CTNNA3: variants seen among roughly 807,000 people sequenced by gnomAD.
The protein encoded by CTNNA3 is catenin alpha-3.
A neutral mutation model predicts 95.7 loss-of-function variants in CTNNA3; 76 were observed. That is an observed-to-expected ratio of 0.79 (90% CI 0.66 to 0.96). CTNNA3 has a LOEUF of 0.96. Among genes scored for constraint, CTNNA3 ranks in the 40% least tolerant of loss-of-function variants. The pLI, the probability that CTNNA3 is intolerant of heterozygous loss-of-function variation, is 0.00. For synonymous variants in CTNNA3, 431 were observed against 374.4 expected, an observed-to-expected ratio of 1.15 and a Z score of -1.74; for missense variants, 1,191 against 1,089.8, an observed-to-expected ratio of 1.09 and a Z score of -1.31.
chr10:66,601,944 A>G (rs1050399971), intron 10 of CTNNA3, among the ~76,000 whole-genome samples: 4 of 151,950 alleles, frequency 2.6e-5, no homozygotes, highest in Non-Finnish European at 5.9e-5. Flanking sequence ...TCTTGAAAAG[A>G]AATACAGAAA....
intron 7 of CTNNA3, among the ~76,000 whole-genome samples, chr10:67,077,318 A>G (rs1300781576): frequency 1.3e-5 from 2 of 152,278 alleles, no homozygotes; most frequent in East Asian, 3.9e-4. Flanking sequence ...ATTGGCTTCC[A>G]CTGGCTTTAT....
Position 65,966,749 on chromosome 10 carries a change from A to G in CTNNA3, c.2266-3T>C. On this transcript the variant is annotated splice_polypyrimidine_tract_variant and splice_region_variant and intron_variant, in intron 16 of 17. Coordinates refer to ENST00000433211, the MANE Select transcript of CTNNA3 (RefSeq NM_013266.4). The stretch of plus-strand genomic sequence containing the variant: ...TGTTTACAAGATGGATCTGGGCACT[A>G]AATATGAATCAAAGATAAAAATAGA... 6.2e-7 allele frequency: 1 copy of G among 1,602,932 alleles called. No individual in the cohort carries two copies. Among genetic ancestry groups the G allele is most frequent in the Admixed American group, 1.7e-5 (1 of 59,650 alleles).
At chr10:66,856,618 G>A (rs1023931119) in intron 7 of CTNNA3, among the ~76,000 whole-genome samples, 1 of 151,950 alleles carries the variant, frequency 6.6e-6, no homozygotes, top group African/African-American at 2.4e-5. Flanking sequence ...GTATGAGATG[G>A]TAAGACATTG....
chr10:67,299,759 A>G (rs1011135206), intron 5 of CTNNA3, among the ~76,000 whole-genome samples: 6 of 152,238 alleles, frequency 3.9e-5, no homozygotes, highest in Admixed American at 1.3e-4. Context: ...ATATACAGCC[A>G]TTGCTACATT....
intron 3 of CTNNA3, among the ~76,000 whole-genome samples, chr10:67,558,828 A>G (rs996210576): frequency 3.3e-5 from 5 of 152,200 alleles, no homozygotes; most frequent in Non-Finnish European, 5.9e-5. Flanking sequence ...GCACGCCAGG[A>G]GATTATATCC....
At chr10:66,945,085 A>G (rs976936483) in intron 7 of CTNNA3, among the ~76,000 whole-genome samples, 3 of 152,182 alleles carry the variant, frequency 2.0e-5, no homozygotes, top group Non-Finnish European at 4.4e-5. Flanking sequence ...CAGCAGCTGC[A>G]CTAGCCTCTA....
intron 7 of CTNNA3, among the ~76,000 whole-genome samples, chr10:66,976,877 G>C (rs576132262): frequency 2.0e-5 from 3 of 152,116 alleles, no homozygotes; most frequent in Non-Finnish European, 4.4e-5. Flanking sequence ...TTTGTCTAAA[G>C]ACAGTGATTG....
chr10:66,039,643 T>A (rs762691853), intron 15 of CTNNA3, among the ~76,000 whole-genome samples: 1 of 152,160 alleles, frequency 6.6e-6, no homozygotes, highest in Non-Finnish European at 1.5e-5. Flanking sequence ...GACTCCTTAT[T>A]CAAAAAATGG....
chr10:66,633,087 C>T (rs1469697129), intron 9 of CTNNA3, among the ~76,000 whole-genome samples: 2 of 151,982 alleles, frequency 1.3e-5, no homozygotes, highest in Admixed American at 6.6e-5. Context: ...GGTAAATGGC[C>T]AACTTTTCAG....
intron 5 of CTNNA3, among the ~76,000 whole-genome samples, chr10:67,291,343 G>C (rs1839831877): frequency 6.6e-6 from 1 of 152,194 alleles, no homozygotes; most frequent in Non-Finnish European, 1.5e-5. Context: ...AGAAGAGATA[G>C]TTAACCTATT....
intron 7 of CTNNA3, among the ~76,000 whole-genome samples, chr10:66,899,881 A>G (rs562414061): frequency 6.6e-6 from 1 of 152,288 alleles, no homozygotes; most frequent in African/African-American, 2.4e-5. Flanking sequence ...CCGCAGCTCA[A>G]CAAGGCCTAC....
At chr10:67,551,775 C>T (rs1841042217) in intron 3 of CTNNA3, among the ~76,000 whole-genome samples, 1 of 152,214 alleles carries the variant, frequency 6.6e-6, no homozygotes, top group Non-Finnish European at 1.5e-5. Context: ...TCCCGTTTCA[C>T]TATCAATCAC....
intron 5 of CTNNA3, among the ~76,000 whole-genome samples, chr10:67,501,913 C>T (rs1329943425): frequency 6.6e-6 from 1 of 152,142 alleles, no homozygotes; most frequent in Non-Finnish European, 1.5e-5. Context: ...TTAGAGCATG[C>T]TCCTTGCCTC....
chr10:66,121,711 C>T (rs974503314), intron 13 of CTNNA3, among the ~76,000 whole-genome samples: 8 of 151,996 alleles, frequency 5.3e-5, no homozygotes, highest in African/African-American at 1.9e-4. Context: ...CATGGTGGCA[C>T]ATGCCTGTGG....
intron 7 of CTNNA3, among the ~76,000 whole-genome samples, chr10:66,961,193 A>G (rs962798434): frequency 6.6e-6 from 1 of 152,184 alleles, no homozygotes; most frequent in African/African-American, 2.4e-5. Flanking sequence ...TAATACCTGT[A>G]GTCTATTATG....
rs567585290 is a variant in CTNNA3 at position 66,447,230 on chromosome 10, C to T, written c.1532-67878G>A. Among the ~76,000 whole-genome samples, 363 of 152,160 alleles carry T rather than the reference C, an allele frequency of 2.4e-3. 2 individuals are homozygous for T. Among genetic ancestry groups the T allele is most frequent in the African/African-American group, 7.9e-3 (328 of 41,518 alleles). ...GCTCATGGGTAGGAAGAATCAATAT[C>T]GTGAAAATGGCCATACTGGCCAGGT... On this transcript the variant is annotated intron_variant, in intron 11 of 17. Coordinates refer to ENST00000433211, the MANE Select transcript of CTNNA3 (RefSeq NM_013266.4).
At chr10:66,865,897 AAAAT>A (rs1446634941) in intron 7 of CTNNA3, among the ~76,000 whole-genome samples, 1 of 152,110 alleles carries the variant, frequency 6.6e-6, no homozygotes, top group African/African-American at 2.4e-5. Flanking sequence ...GGTTTTAGGA[AAAAT>A]AAAATTTACG....
intron 7 of CTNNA3, among the ~76,000 whole-genome samples, chr10:66,919,363 A>G (rs1189325397): frequency 1.3e-5 from 2 of 152,162 alleles, no homozygotes; most frequent in Admixed American, 6.5e-5. Flanking sequence ...CCTTGAAGTC[A>G]TATAGTCTTT....
At chr10:67,609,841 T>C (rs761648566) in intron 2 of CTNNA3, among the ~76,000 whole-genome samples, 2 of 152,190 alleles carry the variant, frequency 1.3e-5, no homozygotes, top group African/African-American at 2.4e-5. Context: ...GGGCCCCCCA[T>C]GCTAAATGTG....
Sources: gnomAD v4.1 joint callset for allele counts (sites outside exome capture counted in the v4.1 genomes callset) on GRCh38, gnomAD v4.1.1 for gene constraint, MANE v1.5 for transcripts, NCBI Gene and HGNC (gene_info 2026-07-23, HGNC 2026-07-21) for gene names.